The following DCT variants were observed in gnomAD, a reference collection of about 807,000 sequenced individuals.
DCT encodes L-dopachrome tautomerase.
Under a neutral mutation model 53.0 loss-of-function variants are expected in DCT, and 47 were observed. That is an observed-to-expected ratio of 0.89 (90% confidence interval 0.70 to 1.13). The LOEUF (loss-of-function observed/expected upper bound fraction) is 1.13. Ranked by LOEUF, DCT falls within the 50% of genes most tolerant of loss-of-function variation. The probability of loss-of-function intolerance (pLI) is 0.00; values close to 1 mark genes in which losing one functional copy is unlikely to be tolerated. For missense variants in DCT, 669 were observed against 637.4 expected (o/e 1.05, Z -0.53); for synonymous variants, 244 against 237.0 (o/e 1.03, Z -0.27).
At position 94,466,623 on chromosome 13, in the gene DCT, G is replaced by T. The variant is rs528101015; in HGVS notation, c.631C>A (p.His211Asn). 6.2e-7 allele frequency: 1 copy of T among 1,612,142 alleles called. No homozygotes were observed. Among genetic ancestry groups the T allele is most frequent in the Non-Finnish European group, 8.5e-7 (1 of 1,179,090 alleles). The change falls in exon 3 of 8, where the codon CAT (histidine) becomes AAT (asparagine). Residue 211 changes from histidine to asparagine, a missense_variant. Transcript: ENST00000377028. ...CAGGTAACAAATGCAGGTCCTTGATGTGAGAAATCTATGGCCCTGTAGGGG... is the reference window on the plus strand; with the variant it reads ...CAGGTAACAAATGCAGGTCCTTGATTTGAGAAATCTATGGCCCTGTAGGGG... ...GRPYRAIDFSHQGPAFVTWHR... is the reference protein window; with the variant it reads ...GRPYRAIDFSNQGPAFVTWHR...
chr13:94,437,418 A>G lies in DCT; in HGVS notation c.*2480T>C, dbSNP rs1275431344. ...TTATAATTAACAATGTTAAATCCTAAGCAAGATACAAATGTCAATTTTAGA... is the reference window on the plus strand; with the variant it reads ...TTATAATTAACAATGTTAAATCCTAGGCAAGATACAAATGTCAATTTTAGA... On this transcript the variant is annotated 3_prime_UTR_variant, in exon 8 of 8. Coordinates refer to ENST00000377028, the MANE Select transcript of DCT (RefSeq NM_001922.5). 1 of 152,216 alleles carries G rather than the reference A, an allele frequency of 6.6e-6. No homozygotes were observed. The highest frequency in any genetic ancestry group is 1.5e-5 in the Non-Finnish European group (1 of 68,026). The allele number at this position is 152,216 out of a possible 1,614,324, so 9.4% of individuals were successfully genotyped here. A position where few individuals can be genotyped will look rare whatever the true frequency, so the allele number is the denominator to read the frequency against.
chr13:94,541,175 T>C, the DCT span, among the ~76,000 whole-genome samples: 21 of 152,030 alleles, frequency 1.4e-4, 1 homozygote, highest in East Asian at 4.1e-3. Flanking sequence ...TGTTGTCTAA[T>C]GGGCACAAAA....
the DCT span, among the ~76,000 whole-genome samples, chr13:94,494,393 A>T: frequency 6.6e-6 from 1 of 152,140 alleles, no homozygotes; most frequent in Non-Finnish European, 1.5e-5. Context: ...CACTGATTTC[A>T]CTAGGGGTTC....
chr13:94,521,338 T>G, the DCT span, among the ~76,000 whole-genome samples: 1 of 152,232 alleles, frequency 6.6e-6, no homozygotes, highest in South Asian at 2.1e-4. Context: ...CTAAATATTT[T>G]TAATGAGTTT....
At position 94,444,670 on chromosome 13, in the gene DCT, G is replaced by A. The variant is rs148553954; in HGVS notation, c.1180-1033C>T. ...TAAGTTCAAGGAGCTCAGGGGCAGT[G>A]TCCTTTTTTCATTCCCCCTGGATCC... On this transcript the variant is annotated intron_variant, in intron 6 of 7. Coordinates refer to ENST00000377028, the MANE Select transcript of DCT (RefSeq NM_001922.5). Among the ~76,000 whole-genome samples the A allele has an allele frequency of 8.2e-3, 1,248 of 152,286 alleles. 19 individuals carry two copies. The highest frequency in any genetic ancestry group is 0.029 in the African/African-American group (1,208 of 41,558).
intron 6 of DCT, among the ~76,000 whole-genome samples, chr13:94,457,487 T>A (rs1029758609): frequency 1.3e-5 from 2 of 152,186 alleles, no homozygotes; most frequent in African/African-American, 4.8e-5. Context: ...CTGTGGGATA[T>A]AAATTTCTGT....
At position 94,439,050 on chromosome 13, in the gene DCT, C is replaced by T. The variant is rs1311330339; in HGVS notation, c.*848G>A. 5.5e-6 allele frequency: 1 copy of T among 180,384 alleles called. No homozygotes were observed. Among genetic ancestry groups the T allele is most frequent in the Non-Finnish European group, 1.2e-5 (1 of 86,242 alleles). The allele number at this position is 180,384 out of a possible 1,614,324, so 11.2% of individuals were successfully genotyped here. ...CCTCACCAGCCTTCAGTCAGCCTTC[C>T]TTGGAAAGAGTAATTCTGTATTTGT... On this transcript the variant is annotated 3_prime_UTR_variant, in exon 8 of 8. Transcript: ENST00000377028.
At chr13:94,511,293 C>T in the DCT span, among the ~76,000 whole-genome samples, 1 of 152,058 alleles carries the variant, frequency 6.6e-6, no homozygotes, top group East Asian at 1.9e-4. Context: ...TGGATCTTTG[C>T]ACAAACTGCT....
the DCT span, among the ~76,000 whole-genome samples, chr13:94,487,106 G>A: frequency 6.6e-6 from 1 of 152,190 alleles, no homozygotes; most frequent in Non-Finnish European, 1.5e-5. Context: ...ATTTGCAAAA[G>A]AGAAAGTCTT....
chr13:94,497,876 A>ATGTGTG, the DCT span, among the ~76,000 whole-genome samples: 8 of 151,564 alleles, frequency 5.3e-5, no homozygotes, highest in South Asian at 1.0e-3. Flanking sequence ...GGTCACCTAT[A>ATGTGTG]TGTGTGTGTG....
the DCT span, among the ~76,000 whole-genome samples, chr13:94,533,012 C>T: frequency 6.6e-6 from 1 of 151,908 alleles, no homozygotes; most frequent in Non-Finnish European, 1.5e-5. Context: ...TTCTTTTTGT[C>T]CAAAGGATGC....
At chr13:94,450,394 T>C (rs543533200) in intron 6 of DCT, among the ~76,000 whole-genome samples, 14 of 152,324 alleles carry the variant, frequency 9.2e-5, no homozygotes, top group African/African-American at 2.4e-4. Context: ...TTTCTCTCCC[T>C]ATATTTCCCT....
Position 94,461,074 on chromosome 13 carries a change from G to A in DCT, c.1044-848C>T, listed in dbSNP as rs7988944. Among the ~76,000 whole-genome samples the A allele has an allele frequency of 3.2e-3, 482 of 152,268 alleles. 1 individual carries two copies. The highest frequency in any genetic ancestry group is 0.011 in the African/African-American group (472 of 41,560). On this transcript the variant is annotated intron_variant, in intron 5 of 7. Coordinates refer to ENST00000377028, the MANE Select transcript of DCT (RefSeq NM_001922.5). ...AAGGTGGGGGAAGGGTAACATTTAAGGTTGTTTTGAAAAGGAGGATGAATT... is the reference window on the plus strand; with the variant it reads ...AAGGTGGGGGAAGGGTAACATTTAAAGTTGTTTTGAAAAGGAGGATGAATT...
chr13:94,499,040 C>A, the DCT span, among the ~76,000 whole-genome samples: 2 of 152,170 alleles, frequency 1.3e-5, no homozygotes, highest in African/African-American at 4.8e-5. Context: ...GCTGGCCACC[C>A]CAGCCAGCAG....
chr13:94,478,117 T>A (rs1885216329), intron 1 of DCT, among the ~76,000 whole-genome samples: 1 of 151,134 alleles, frequency 6.6e-6, no homozygotes, highest in Non-Finnish European at 1.5e-5. Flanking sequence ...CAGAGAAGAG[T>A]GACAAAAAGC....
chr13:94,524,238 C>T, the DCT span, among the ~76,000 whole-genome samples: 473 of 152,350 alleles, frequency 3.1e-3, 2 homozygotes, highest in African/African-American at 0.011. Flanking sequence ...AAGCTCCTGA[C>T]AGGTGCAGGA....
chr13:94,458,760 C>A (rs778898500), intron 6 of DCT, among the ~76,000 whole-genome samples: 3 of 152,120 alleles, frequency 2.0e-5, no homozygotes, highest in Non-Finnish European at 4.4e-5. Context: ...CCAGATAGCA[C>A]CACTGCACTC....
At chr13:94,507,274 A>T in the DCT span, among the ~76,000 whole-genome samples, 1 of 152,196 alleles carries the variant, frequency 6.6e-6, no homozygotes, top group Non-Finnish European at 1.5e-5. Context: ...GCTGGGGGTA[A>T]AAAGTAAAGA....
chr13:94,526,137 T>G, the DCT span, among the ~76,000 whole-genome samples: 2 of 152,188 alleles, frequency 1.3e-5, no homozygotes, highest in Non-Finnish European at 2.9e-5. Flanking sequence ...GGCTCCTGGG[T>G]CCCAACTATG....
Sources: allele counts gnomAD v4.1 joint callset (sites outside exome capture counted in the v4.1 genomes callset), GRCh38; gene constraint gnomAD v4.1.1; transcripts MANE v1.5; gene names NCBI Gene and HGNC (gene_info 2026-07-23, HGNC 2026-07-21).